The following CHMP2B variants were observed in gnomAD, a reference collection of about 807,000 sequenced individuals.
CHMP2B encodes charged multivesicular body protein 2B.
CHMP2B carries 22 observed loss-of-function variants against 29.8 expected under a neutral mutation model. The ratio of observed to expected loss-of-function variants is 0.74; its 90% CI spans 0.53 to 1.05. CHMP2B has a LOEUF of 1.05. Among genes scored for constraint, CHMP2B ranks in the 50% least tolerant of loss-of-function variants. The probability of loss-of-function intolerance (pLI) is 0.00; values close to 1 mark genes in which losing one functional copy is unlikely to be tolerated. For missense variants in CHMP2B, 261 were observed against 252.2 expected (o/e 1.03, Z -0.24); for synonymous variants, 78 against 75.8 (o/e 1.03, Z -0.15).
At chr3:87,248,289 G>C (rs1706252311) in intron 3 of CHMP2B, among the ~76,000 whole-genome samples, 1 of 151,124 alleles carries the variant, frequency 6.6e-6, no homozygotes, top group African/African-American at 2.4e-5. Context: ...CAGAGAGAGA[G>C]ACTGTCTCAA....
chr3:87,244,036 T>G (rs1706168953), intron 2 of CHMP2B, among the ~76,000 whole-genome samples: 1 of 150,118 alleles, frequency 6.7e-6, no homozygotes, highest in Admixed American at 6.6e-5. Flanking sequence ...TTTTTTTTTT[T>G]GTTTTTTGTT....
chr3:87,236,574 G>A (rs544549238), intron 1 of CHMP2B, among the ~76,000 whole-genome samples: 5 of 152,046 alleles, frequency 3.3e-5, no homozygotes, highest in African/African-American at 1.2e-4. Context: ...CATCACCACC[G>A]AGCATGGTGG....
Position 87,245,779 on chromosome 3 carries a change from A to G in CHMP2B, c.192A>G (p.Gln64=), listed in dbSNP as rs148750997. The G allele has an allele frequency of 2.1e-4, 343 of 1,613,934 alleles. 4 individuals are homozygous for G. The highest frequency in any genetic ancestry group is 1.9e-3 in the East Asian group (86 of 44,818). ...NKEACKVLAK[Q]LVHLRKQKTR... ...AAGCTTGCAAAGTTTTAGCCAAACA[A>G]CTTGTGCATCTACGGAAACAGAAGA... Residue 64 remains glutamine, a synonymous_variant, in exon 3 of 6, where the codon CAA becomes CAG. Coordinates refer to ENST00000263780, the MANE Select transcript of CHMP2B (RefSeq NM_014043.4).
At chr3:87,234,605 C>A (rs2106894800) in intron 1 of CHMP2B, among the ~76,000 whole-genome samples, 1 of 152,296 alleles carries the variant, frequency 6.6e-6, no homozygotes, top group East Asian at 1.9e-4. Flanking sequence ...AGAGAATATA[C>A]CATATCATAT....
At chr3:87,244,026 T>G (rs1227257754) in intron 2 of CHMP2B, among the ~76,000 whole-genome samples, 6 of 136,834 alleles carry the variant, frequency 4.4e-5, no homozygotes, top group African/African-American at 1.5e-4. Flanking sequence ...GTTTTTTGTT[T>G]TTTTTTTTTT....
chr3:87,252,903 G>A (rs1706340653), intron 4 of CHMP2B: 1 of 159,884 alleles, frequency 6.3e-6, no homozygotes, highest in African/African-American at 2.4e-5. Flanking sequence ...ATCATTCTTT[G>A]GGCAAATTTA....
At chr3:87,227,755 C>G (rs934869453) in intron 1 of CHMP2B, among the ~76,000 whole-genome samples, 199 bp downstream of exon 1, 1 of 152,236 alleles carries the variant, frequency 6.6e-6, no homozygotes, top group Non-Finnish European at 1.5e-5. Flanking sequence ...CCTAGGCAGT[C>G]TGGTTGCTTC....
At chr3:87,244,186 A>G (rs1706172170) in intron 2 of CHMP2B, among the ~76,000 whole-genome samples, 1 of 151,388 alleles carries the variant, frequency 6.6e-6, no homozygotes, top group Non-Finnish European at 1.5e-5. Flanking sequence ...AGCTGGGACT[A>G]CAGGTGTGTG....
intron 1 of CHMP2B, 152 bp downstream of exon 1, chr3:87,227,708 C>A: frequency 1.0e-6 from 1 of 987,178 alleles, no homozygotes; most frequent in Non-Finnish European, 1.6e-6. Flanking sequence ...ACTTCTCTGC[C>A]TCCCTCTTGC....
chr3:87,232,364 A>G (rs1197303791), intron 1 of CHMP2B, among the ~76,000 whole-genome samples: 1 of 152,212 alleles, frequency 6.6e-6, no homozygotes, highest in Non-Finnish European at 1.5e-5. Context: ...TCTGTATTCC[A>G]GAATAAAATA....
intron 1 of CHMP2B, among the ~76,000 whole-genome samples, chr3:87,230,546 C>T (rs982924240): frequency 1.3e-5 from 2 of 152,146 alleles, no homozygotes; most frequent in Non-Finnish European, 2.9e-5. Flanking sequence ...GCAACGTTTA[C>T]ATTCTTTCTG....
Position 87,253,733 on chromosome 3 carries a change from G to A in CHMP2B, c.553G>A (p.Ala185Thr). The change falls in exon 6 of 6, where the codon GCT (alanine) becomes ACT (threonine). Residue 185 changes from alanine to threonine, a missense_variant. By Grantham distance (58) the Ala-to-Thr change is moderately conservative. Coordinates refer to ENST00000263780, the MANE Select transcript of CHMP2B (RefSeq NM_014043.4). ...ATAGATGGCCAAAGCTCCATCAGCT[G>A]CTCGAAGCTTACCATCTGCCTCTAC... ...SGKMAKAPSA[A>T]RSLPSASTSK... 1 of 1,612,356 alleles carries A rather than the reference G, an allele frequency of 6.2e-7. No homozygotes were observed. Among genetic ancestry groups the A allele is most frequent in the South Asian group, 1.1e-5 (1 of 91,058 alleles).
Position 87,245,934 on chromosome 3 carries a change from G to T in CHMP2B, c.321+26G>T, listed in dbSNP as rs375778904. 51 of 1,554,870 alleles carry T rather than the reference G, an allele frequency of 3.3e-5. No homozygotes were observed. The African/African-American group carries it at 4.5e-4, about 14-fold the overall frequency. On this transcript the variant is annotated intron_variant, in intron 3 of 5. Transcript: ENST00000263780. ...GTAAGTGAGAGCTTTTATATTCATA[G>T]ATTTTTAATTTTATCAACGATATTT...
chr3:87,248,447 T>TCCAG (rs1706255722), intron 3 of CHMP2B, among the ~76,000 whole-genome samples: 2 of 151,684 alleles, frequency 1.3e-5, no homozygotes, highest in South Asian at 4.2e-4. Context: ...AACCCCTGCC[T>TCCAG]CCAGGTTCAA....
chr3:87,228,887 A>G (rs1705859217), intron 1 of CHMP2B, among the ~76,000 whole-genome samples: 1 of 150,914 alleles, frequency 6.6e-6, no homozygotes, highest in Non-Finnish European at 1.5e-5. Flanking sequence ...TCAGTGTTTT[A>G]GCTGCCACTG....
chr3:87,245,388 G>A (rs1426982055), intron 2 of CHMP2B, among the ~76,000 whole-genome samples: 1 of 147,232 alleles, frequency 6.8e-6, no homozygotes, highest in Non-Finnish European at 1.5e-5. Flanking sequence ...CTCTTTGCTT[G>A]TATGTTTTTT....
chr3:87,244,391 T>C (rs1706176062), intron 2 of CHMP2B, among the ~76,000 whole-genome samples: 2 of 150,212 alleles, frequency 1.3e-5, no homozygotes, highest in Non-Finnish European at 3.0e-5. Flanking sequence ...TTCCCTACTT[T>C]GTGTTTCATT....
intron 1 of CHMP2B, among the ~76,000 whole-genome samples, chr3:87,232,720 T>C (rs1705931104): frequency 6.6e-6 from 1 of 152,180 alleles, no homozygotes; most frequent in Non-Finnish European, 1.5e-5. Flanking sequence ...CTGTGAGGCT[T>C]TTCTTCCAGG....
At chr3:87,245,669 T>C (rs769672519) in intron 2 of CHMP2B, 45 bp from the exon 3 acceptor site, 1 of 1,488,562 alleles carries the variant, frequency 6.7e-7, no homozygotes. Context: ...TATTGACGAC[T>C]ACCCTTTAAT....
Sources: gnomAD v4.1 joint callset for allele counts (sites outside exome capture counted in the v4.1 genomes callset) on GRCh38, gnomAD v4.1.1 for gene constraint, MANE v1.5 for transcripts, NCBI Gene and HGNC (gene_info 2026-07-23, HGNC 2026-07-21) for gene names.